Variants in GPR158 observed in about 807,000 individuals in gnomAD.
The protein encoded by GPR158 is G protein-coupled receptor 158.
GPR158 carries 30 observed loss-of-function variants against 78.2 expected under a neutral mutation model. The ratio of observed to expected loss-of-function variants is 0.38; its 90% CI spans 0.29 to 0.52. GPR158 has a LOEUF of 0.52. Ranked by LOEUF, GPR158 falls within the 20% of genes least tolerant of loss-of-function variation. GPR158 has a pLI of 0.83. For missense variants in GPR158, 1,463 were observed against 1,523.5 expected (o/e 0.96, Z 0.66); for synonymous variants, 581 against 591.1 (o/e 0.98, Z 0.25).
At chr10:25,432,963 G>A (rs1160384471) in intron 4 of GPR158, among the ~76,000 whole-genome samples, 3 of 152,200 alleles carry the variant, frequency 2.0e-5, no homozygotes, top group Non-Finnish European at 4.4e-5. Context: ...CAATGAAACA[G>A]TATAATGTAT....
chr10:25,404,978 C>T (rs542441122), intron 3 of GPR158, among the ~76,000 whole-genome samples: 6 of 152,112 alleles, frequency 3.9e-5, no homozygotes, highest in Non-Finnish European at 8.8e-5. Flanking sequence ...GTCTGCAATT[C>T]ATATGTTCCA....
chr10:25,420,459 G>A lies in GPR158; in HGVS notation c.1335+7986G>A, dbSNP rs190136067. Among the ~76,000 whole-genome samples, 6 of 152,184 alleles carry A rather than the reference G, an allele frequency of 3.9e-5. No individual in the cohort carries two copies. In the East Asian group the frequency reaches 9.7e-4, roughly 25 times the overall value. ...TGAGCCACCTTACTTGGCCCCCAGT[G>A]TCTTTAATTTTGATGAAGTGTATCT... On this transcript the variant is annotated intron_variant, in intron 4 of 10. Transcript: ENST00000376351.
chr10:25,386,093 G>C (rs78991696), intron 2 of GPR158, among the ~76,000 whole-genome samples: 2,553 of 152,162 alleles, frequency 0.017, 64 homozygotes, highest in African/African-American at 0.05. Context: ...AGTTTTAGGT[G>C]TTATGTTTAA....
intron 4 of GPR158, among the ~76,000 whole-genome samples, chr10:25,464,685 G>A (rs1240723146): frequency 4.6e-5 from 7 of 152,120 alleles, no homozygotes; most frequent in African/African-American, 1.4e-4. Context: ...CTTCTTCATC[G>A]TACCTTGCAG....
chr10:25,526,419 A>C (rs1028248193), intron 5 of GPR158, among the ~76,000 whole-genome samples: 1 of 152,084 alleles, frequency 6.6e-6, no homozygotes, highest in Non-Finnish European at 1.5e-5. Context: ...CAGAGGATAG[A>C]GTTTGATCCT....
intron 1 of GPR158, among the ~76,000 whole-genome samples, chr10:25,185,080 G>T (rs1006706328): frequency 2.6e-5 from 4 of 152,168 alleles, no homozygotes; most frequent in African/African-American, 9.7e-5. Flanking sequence ...AAAACCGAAT[G>T]TGTCTGCAGA....
chr10:25,479,125 T>G (rs2211344), intron 5 of GPR158, among the ~76,000 whole-genome samples: 67,523 of 151,898 alleles, frequency 0.44, 16,108 homozygotes, highest in East Asian at 0.8. Flanking sequence ...TGTGTCTTTA[T>G]AGCAGCATGA....
chr10:25,586,431 T>C (rs1261033698), intron 7 of GPR158, among the ~76,000 whole-genome samples: 1 of 133,376 alleles, frequency 7.5e-6, no homozygotes, highest in Admixed American at 8.4e-5. Context: ...TGAGGCAGAG[T>C]CTCACTCTGT....
At chr10:25,372,083 G>A (rs1424350530) in intron 2 of GPR158, among the ~76,000 whole-genome samples, 2 of 93,426 alleles carry the variant, frequency 2.1e-5, no homozygotes, top group East Asian at 4.2e-4. Context: ...AGACATTTAT[G>A]CAGCCAAAAA....
chr10:25,301,106 T>C (rs1356571850), intron 2 of GPR158, among the ~76,000 whole-genome samples: 1 of 152,248 alleles, frequency 6.6e-6, no homozygotes, highest in Non-Finnish European at 1.5e-5. Context: ...ATGGTTATAC[T>C]TGCCATTCTT....
intron 2 of GPR158, among the ~76,000 whole-genome samples, chr10:25,258,013 A>G (rs1853914387): frequency 2.6e-5 from 4 of 152,216 alleles, no homozygotes; most frequent in Admixed American, 2.0e-4. Context: ...TGGCTTTACC[A>G]GTTGATTCCA....
At chr10:25,512,460 C>T (rs1246250252) in intron 5 of GPR158, among the ~76,000 whole-genome samples, 1 of 152,082 alleles carries the variant, frequency 6.6e-6, no homozygotes, top group African/African-American at 2.4e-5. Context: ...TCTTTGTATA[C>T]TGTCATATCA....
At chr10:25,456,577 A>G (rs1262101831) in intron 4 of GPR158, among the ~76,000 whole-genome samples, 2 of 152,180 alleles carry the variant, frequency 1.3e-5, no homozygotes, top group African/African-American at 4.8e-5. Flanking sequence ...GTAGAATTTT[A>G]AAGTAGTTAC....
chr10:25,396,241 T>C (rs1834361331), intron 3 of GPR158, among the ~76,000 whole-genome samples: 1 of 152,186 alleles, frequency 6.6e-6, no homozygotes, highest in African/African-American at 2.4e-5. Context: ...TTAATACATT[T>C]TAAAAGTCTG....
At chr10:25,574,419 TAA>T (rs1837059711) in intron 7 of GPR158, among the ~76,000 whole-genome samples, 1 of 152,250 alleles carries the variant, frequency 6.6e-6, no homozygotes, top group South Asian at 2.1e-4. Context: ...TGAGAATTAT[TAA>T]AAGTTATTAA....
At chr10:25,492,123 G>A (rs1443741406) in intron 5 of GPR158, among the ~76,000 whole-genome samples, 1 of 142,956 alleles carries the variant, frequency 7.0e-6, no homozygotes, top group Non-Finnish European at 1.6e-5. Flanking sequence ...CATGGTGAGA[G>A]AGGAAGAAAG....
In GPR158 at chr10:25,541,076, T is replaced by A. The variant is rs1564484320; in HGVS notation, c.1405-9900T>A. On this transcript the variant is annotated intron_variant, in intron 5 of 10. Transcript: ENST00000376351. The stretch of plus-strand genomic sequence containing the variant: ...TTTTTCCACAAGGAATGTACCACTT[T>A]ACTTTCCCACTAGCTATATATAAAA... Among the ~76,000 whole-genome samples the A allele has an allele frequency of 2.0e-5, 3 of 151,474 alleles. No individual in the cohort carries two copies. The South Asian group carries it at 6.2e-4, about 31-fold the overall frequency.
At chr10:25,187,738 T>A (rs1436263713) in intron 1 of GPR158, among the ~76,000 whole-genome samples, 3 of 152,178 alleles carry the variant, frequency 2.0e-5, no homozygotes, top group Non-Finnish European at 4.4e-5. Flanking sequence ...AGGGATGCCC[T>A]CTCTCACCAC....
At chr10:25,492,902 T>A (rs1421547289) in intron 5 of GPR158, among the ~76,000 whole-genome samples, 1 of 148,578 alleles carries the variant, frequency 6.7e-6, no homozygotes, top group Non-Finnish European at 1.5e-5. Context: ...ATTAATATAT[T>A]AATATATAAT....
Sources: allele counts gnomAD v4.1 joint callset (sites outside exome capture counted in the v4.1 genomes callset), GRCh38; gene constraint gnomAD v4.1.1; transcripts MANE v1.5; gene names NCBI Gene and HGNC (gene_info 2026-07-23, HGNC 2026-07-21).